The following UNC13C variants were observed in gnomAD, a reference collection of about 807,000 sequenced individuals.
The protein encoded by UNC13C is protein unc-13 homolog C.
Under a neutral mutation model 245.4 loss-of-function variants are expected in UNC13C, and 174 were observed. The observed-to-expected ratio is 0.71, with a 90% CI of 0.63 to 0.80. The LOEUF (loss-of-function observed/expected upper bound fraction) is 0.80. UNC13C is among the 30% of genes least tolerant of loss of function. The pLI is 0.00. For synonymous variants in UNC13C, 992 were observed against 895.1 expected, an observed-to-expected ratio of 1.11 and a Z score of -1.93; for missense variants, 2,829 against 2,602.9, an observed-to-expected ratio of 1.09 and a Z score of -1.89.
At chr15:54,035,083 G>T (rs899538737) in intron 2 of UNC13C, among the ~76,000 whole-genome samples, 1 of 151,560 alleles carries the variant, frequency 6.6e-6, no homozygotes, top group Admixed American at 6.6e-5. Context: ...TTTTTTTTAT[G>T]AATGACTCTT....
At chr15:54,477,315 A>T in intron 19 of UNC13C, among the ~76,000 whole-genome samples, 1 of 89,088 alleles carries the variant, frequency 1.1e-5, no homozygotes, top group Middle Eastern at 4.7e-3. Context: ...TCTCCTGCCT[A>T]ATTGCCCTGG....
At chr15:54,173,611 T>G (rs1263510656) in intron 4 of UNC13C, among the ~76,000 whole-genome samples, 1 of 152,104 alleles carries the variant, frequency 6.6e-6, no homozygotes, top group Non-Finnish European at 1.5e-5. Context: ...ATAACATTGT[T>G]GCAGATTGCT....
chr15:53,992,213 T>C (rs1215149011), intron 1 of UNC13C, among the ~76,000 whole-genome samples: 1 of 152,034 alleles, frequency 6.6e-6, no homozygotes, highest in Non-Finnish European at 1.5e-5. Context: ...CTCGTATACC[T>C]CTCCATTGAT....
intron 17 of UNC13C, among the ~76,000 whole-genome samples, chr15:54,372,930 T>G (rs906584504): frequency 6.6e-6 from 1 of 152,134 alleles, no homozygotes; most frequent in Non-Finnish European, 1.5e-5. Flanking sequence ...ACATATAGCT[T>G]ATGAACTATG....
intron 19 of UNC13C, among the ~76,000 whole-genome samples, chr15:54,442,812 T>C (rs1890603236): frequency 6.6e-6 from 1 of 152,246 alleles, no homozygotes; most frequent in African/African-American, 2.4e-5. Flanking sequence ...GTTGGATTTG[T>C]TAGCTGGTAT....
chr15:54,144,972 A>G (rs2066442064), intron 4 of UNC13C, among the ~76,000 whole-genome samples: 1 of 151,862 alleles, frequency 6.6e-6, no homozygotes, highest in African/African-American at 2.4e-5. Flanking sequence ...TTTGTTTTAA[A>G]ACCAAGACCG....
chr15:53,972,634 G>T, the UNC13C span: 1 of 152,080 alleles, frequency 6.6e-6, no homozygotes, highest in African/African-American at 2.4e-5. Context: ...ACAAAATTTT[G>T]AATCCATGCA....
At chr15:54,487,024 A>G (rs1488550163) in intron 19 of UNC13C, among the ~76,000 whole-genome samples, 1 of 152,194 alleles carries the variant, frequency 6.6e-6, no homozygotes. Flanking sequence ...AACATACCTC[A>G]TAGATCAAGG....
chr15:54,154,724 A>G (rs1175435796), intron 4 of UNC13C, among the ~76,000 whole-genome samples: 1 of 152,192 alleles, frequency 6.6e-6, no homozygotes, highest in Non-Finnish European at 1.5e-5. Context: ...TTGCCTTCAT[A>G]CACGCTGAAT....
At chr15:54,566,463 C>T (rs1435714535) in intron 29 of UNC13C, among the ~76,000 whole-genome samples, 1 of 151,942 alleles carries the variant, frequency 6.6e-6, no homozygotes, top group East Asian at 1.9e-4. Flanking sequence ...TTTTCTGTGC[C>T]TCCTTTTCAT....
chr15:54,115,372 C>G (rs1048762361), intron 2 of UNC13C, among the ~76,000 whole-genome samples: 2 of 152,084 alleles, frequency 1.3e-5, no homozygotes, highest in Non-Finnish European at 2.9e-5. Context: ...TTGCATCCTT[C>G]ACTGTGGTTT....
At chr15:54,255,697 T>G (rs11635750) in intron 8 of UNC13C, among the ~76,000 whole-genome samples, 22,876 of 152,016 alleles carry the variant, frequency 0.15, 1,836 homozygotes, top group African/African-American at 0.19. Flanking sequence ...ATGCAACATT[T>G]GGGCAGGAAA....
intron 19 of UNC13C, among the ~76,000 whole-genome samples, chr15:54,450,113 C>G (rs916243840): frequency 2.6e-5 from 4 of 152,162 alleles, no homozygotes; most frequent in Admixed American, 6.5e-5. Flanking sequence ...ATGTTGCTAC[C>G]TGATCGTTCC....
At chr15:54,335,651 A>G (rs2038554668) in intron 16 of UNC13C, among the ~76,000 whole-genome samples, 1 of 152,176 alleles carries the variant, frequency 6.6e-6, no homozygotes, top group Non-Finnish European at 1.5e-5. Flanking sequence ...TACACGATGT[A>G]GCATAACACA....
intron 10 of UNC13C, among the ~76,000 whole-genome samples, chr15:54,287,156 A>G (rs1156784126): frequency 1.3e-5 from 2 of 152,296 alleles, no homozygotes; most frequent in East Asian, 1.9e-4. Context: ...TAGTGAGACT[A>G]TGCATTCTCC....
chr15:54,100,711 A>G (rs1900118320), intron 2 of UNC13C, among the ~76,000 whole-genome samples: 1 of 151,808 alleles, frequency 6.6e-6, no homozygotes, highest in Admixed American at 6.5e-5. Context: ...TAGCTGTTGA[A>G]ACCAAAAAAT....
intron 2 of UNC13C, among the ~76,000 whole-genome samples, chr15:54,066,416 T>G (rs1394481825): frequency 6.6e-6 from 1 of 152,244 alleles, no homozygotes. Context: ...TAGTCCATTT[T>G]GTGTCTTCGC....
chr15:54,059,229 C>G (rs973181518), intron 2 of UNC13C, among the ~76,000 whole-genome samples: 1 of 151,802 alleles, frequency 6.6e-6, no homozygotes, highest in Non-Finnish European at 1.5e-5. Context: ...AGCCTCAGCC[C>G]AAAATCCCCT....
At chr15:53,962,567 C>G in the UNC13C span, among the ~76,000 whole-genome samples, 80 of 152,184 alleles carry the variant, frequency 5.3e-4, no homozygotes, top group Non-Finnish European at 9.7e-4. Flanking sequence ...AATATGATTC[C>G]CTTAGCCCTA....
Sources: gnomAD v4.1 joint callset for allele counts (sites outside exome capture counted in the v4.1 genomes callset) on GRCh38, gnomAD v4.1.1 for gene constraint, MANE v1.5 for transcripts, NCBI Gene and HGNC (gene_info 2026-07-23, HGNC 2026-07-21) for gene names.